The following EML4 variants were observed in gnomAD, a reference collection of about 807,000 sequenced individuals.
EML4 encodes the protein EMAP like 4.
EML4 carries 72 observed loss-of-function variants against 129.0 expected under a neutral mutation model. The observed-to-expected ratio is 0.56, with a 90% CI of 0.46 to 0.68. The LOEUF is 0.68. Ranked by LOEUF, EML4 falls within the 30% of genes least tolerant of loss-of-function variation. The pLI, the probability that EML4 is intolerant of heterozygous loss-of-function variation, is 0.00. For missense variants in EML4, 1,363 were observed against 1,190.6 expected (o/e 1.14, Z -2.13); for synonymous variants, 532 against 405.0 (o/e 1.31, Z -3.77).
intron 4 of EML4, among the ~76,000 whole-genome samples, chr2:42,262,309 A>G (rs970614159): frequency 2.0e-5 from 3 of 152,102 alleles, no homozygotes; most frequent in Admixed American, 6.6e-5. Context: ...TTCTTACCCA[A>G]TCTAAATGGT....
intron 1 of EML4, among the ~76,000 whole-genome samples, chr2:42,213,509 GT>G (rs1419567746): frequency 1.2e-4 from 18 of 152,296 alleles, no homozygotes; most frequent in Non-Finnish European, 2.2e-4. Flanking sequence ...CTACATTAGG[GT>G]TAAGAAATTC....
At chr2:42,273,995 A>G (rs568406280) in intron 6 of EML4, among the ~76,000 whole-genome samples, 2 of 152,310 alleles carry the variant, frequency 1.3e-5, no homozygotes, top group African/African-American at 4.8e-5. Context: ...GAACCTTTTT[A>G]AGAAAAGATT....
In EML4 at chr2:42,286,330, G is replaced by A; in HGVS notation, c.1073G>A (p.Gly358Glu). The change falls in exon 10 of 23, where the codon GGA becomes GAA. Residue 358 changes from glycine to glutamate, a missense_variant. Gly to Glu is a moderately conservative substitution (Grantham distance 98). Coordinates refer to ENST00000318522, the MANE Select transcript of EML4 (RefSeq NM_019063.5). ...ACTCTATCCACACTGCAGATTATTGGACTTGGCACTTTTGAGCGTGGAGTA... is the reference window on the plus strand; with the variant it reads ...ACTCTATCCACACTGCAGATTATTGAACTTGGCACTTTTGAGCGTGGAGTA... ...SVTLSTLQII[G>E]LGTFERGVGC... 1 of 1,614,082 alleles carries A rather than the reference G, an allele frequency of 6.2e-7. No homozygotes were observed. Among genetic ancestry groups the A allele is most frequent in the Non-Finnish European group, 8.5e-7 (1 of 1,179,950 alleles).
Position 42,175,291 on chromosome 2 carries a change from T to A in EML4, c.25+5655T>A, listed in dbSNP as rs1670536847. Among the ~76,000 whole-genome samples, 4 of 151,490 alleles carry A rather than the reference T, an allele frequency of 2.6e-5. No homozygotes were observed. The South Asian group carries it at 8.3e-4, about 32-fold the overall frequency. On this transcript the variant is annotated intron_variant, in intron 1 of 22. Coordinates refer to ENST00000318522, the MANE Select transcript of EML4 (RefSeq NM_019063.5). The stretch of plus-strand genomic sequence containing the variant: ...ACCACACCTGGCTAATTTTTTGTAT[T>A]TTTAGTAGAGATGGGGTTTCACTGT...
chr2:42,195,315 T>C (rs1385311486), intron 1 of EML4, among the ~76,000 whole-genome samples: 1 of 152,222 alleles, frequency 6.6e-6, no homozygotes, highest in African/African-American at 2.4e-5. Context: ...AGAGATTACA[T>C]TATTACATTT....
intron 1 of EML4, among the ~76,000 whole-genome samples, chr2:42,173,293 T>C (rs1452016737): frequency 2.6e-5 from 4 of 152,200 alleles, no homozygotes; most frequent in African/African-American, 9.7e-5. Context: ...TCATGTAATA[T>C]TTGGAGAGGT....
intron 19 of EML4, among the ~76,000 whole-genome samples, chr2:42,323,211 G>A (rs766343930): frequency 5.3e-5 from 8 of 152,146 alleles, no homozygotes; most frequent in Non-Finnish European, 8.8e-5. Flanking sequence ...CTTCATCCAC[G>A]TAGCAAGTTT....
intron 11 of EML4, among the ~76,000 whole-genome samples, chr2:42,292,979 G>A (rs1572703361): frequency 6.6e-6 from 1 of 152,110 alleles, no homozygotes; most frequent in Non-Finnish European, 1.5e-5. Context: ...TTGTCTGAGT[G>A]AAAACTAAAG....
intron 5 of EML4, among the ~76,000 whole-genome samples, chr2:42,264,071 A>G (rs1380274039): frequency 8.0e-6 from 1 of 124,328 alleles, no homozygotes; most frequent in East Asian, 2.4e-4. Flanking sequence ...AGTTGTATCT[A>G]CCTTTTAAGG....
intron 9 of EML4, 122 bp from the exon 10 acceptor site, chr2:42,286,147 C>A: frequency 1.4e-6 from 1 of 717,218 alleles, no homozygotes; most frequent in Non-Finnish European, 2.6e-6. Context: ...ATGTCTAAAT[C>A]TAGTAATTTA....
chr2:42,173,586 C>T (rs555316647), intron 1 of EML4, among the ~76,000 whole-genome samples: 1 of 152,232 alleles, frequency 6.6e-6, no homozygotes, highest in East Asian at 1.9e-4. Flanking sequence ...CAGTGGCTCA[C>T]GCCTGTAGTC....
intron 17 of EML4, among the ~76,000 whole-genome samples, chr2:42,307,851 C>T (rs150809422): frequency 0.02 from 3,027 of 152,256 alleles, 113 homozygotes; most frequent in African/African-American, 0.067. Context: ...GACAGGGTTT[C>T]GCCATGTTGG....
chr2:42,200,034 G>T (rs1052541014), intron 1 of EML4, among the ~76,000 whole-genome samples: 5 of 152,036 alleles, frequency 3.3e-5, no homozygotes, highest in African/African-American at 1.2e-4. Context: ...TACCGGCCAG[G>T]CGCGGTGGCT....
At position 42,245,675 on chromosome 2, in the gene EML4, G is replaced by T. The variant is rs560937677; in HGVS notation, c.196G>T (p.Val66Phe). ...EDHVASVKKS[V>F]SSKGQPSPRA... ...TCATGTGGCCTCAGTGAAAAAATCA[G>T]TCTCAAGTAAAGGTAATTGTGTTGT... is the stretch of plus-strand genomic sequence containing the variant. Residue 66 changes from valine to phenylalanine, a missense_variant, in exon 2 of 23, where the codon GTC becomes TTC. Physicochemically the swap from Val to Phe is conservative, Grantham distance 50 (BLOSUM62 -1). Coordinates refer to ENST00000318522, the MANE Select transcript of EML4 (RefSeq NM_019063.5). 4.4e-6 allele frequency: 7 copies of T among 1,608,612 alleles called. No homozygotes were observed. The highest frequency in any genetic ancestry group is 5.9e-6 in the Non-Finnish European group (7 of 1,177,552).
intron 1 of EML4, among the ~76,000 whole-genome samples, chr2:42,197,188 G>A (rs778183349): frequency 4.6e-5 from 7 of 151,832 alleles, no homozygotes; most frequent in African/African-American, 7.3e-5. Context: ...TCAGATTCCC[G>A]AGTGGCTGGC....
chr2:42,289,898 T>C (rs1381489578), intron 11 of EML4: 2 of 118,656 alleles, frequency 1.7e-5, no homozygotes, highest in Non-Finnish European at 3.3e-5. Context: ...TGAAGCCCCA[T>C]CTCTACTAAA....
At position 42,324,259 on chromosome 2, in the gene EML4, C is replaced by A. The variant is rs145922398; in HGVS notation, c.2155-1208C>A. 1.5e-3 allele frequency among the ~76,000 whole-genome samples: 229 copies of A among 152,250 alleles called. 5 individuals carry two copies. In the East Asian group the frequency reaches 0.033, roughly 22 times the overall value. Reference sequence around the variant, plus strand: ...GCAGTGAGCTGAGATTGTGCCACTGCACTCCAGACTGGGCAACAGAGACTC... The same window carrying A: ...GCAGTGAGCTGAGATTGTGCCACTGAACTCCAGACTGGGCAACAGAGACTC... On this transcript the variant is annotated intron_variant, in intron 19 of 22. Coordinates refer to ENST00000318522, the MANE Select transcript of EML4 (RefSeq NM_019063.5).
At chr2:42,319,370 A>T (rs1389114108) in intron 19 of EML4, among the ~76,000 whole-genome samples, 1 of 152,230 alleles carries the variant, frequency 6.6e-6, no homozygotes, top group Non-Finnish European at 1.5e-5. Flanking sequence ...AATGCATGAG[A>T]CTTGTCCTAA....
At chr2:42,326,903 T>A (rs1258263974) in intron 21 of EML4, among the ~76,000 whole-genome samples, 1 of 152,068 alleles carries the variant, frequency 6.6e-6, no homozygotes, top group Non-Finnish European at 1.5e-5. Context: ...AAGTGTAAAA[T>A]TCAGTGGTTT....
Sources: gnomAD v4.1 joint callset for allele counts (sites outside exome capture counted in the v4.1 genomes callset) on GRCh38, gnomAD v4.1.1 for gene constraint, MANE v1.5 for transcripts, NCBI Gene and HGNC (gene_info 2026-07-23, HGNC 2026-07-21) for gene names.